Variants in WDR33 observed in about 807,000 individuals in gnomAD.
WDR33 encodes the protein pre-mRNA 3' end processing protein WDR33.
WDR33 carries 47 observed loss-of-function variants against 164.9 expected under a neutral mutation model. The observed-to-expected ratio is 0.29, with a 90% CI of 0.23 to 0.36. The LOEUF (loss-of-function observed/expected upper bound fraction) is 0.36. Ranked by LOEUF, WDR33 falls within the 10% of genes least tolerant of loss-of-function variation. The probability of loss-of-function intolerance (pLI) is 1.00; values close to 1 mark genes in which losing one functional copy is unlikely to be tolerated. For missense variants in WDR33, 1,137 were observed against 1,754.1 expected (o/e 0.65, Z 6.28); for synonymous variants, 505 against 589.0 (o/e 0.86, Z 2.06).
Position 127,705,332 on chromosome 2 carries a change from A to G in WDR33, c.*991T>C, listed in dbSNP as rs935994414. 6.2e-6 allele frequency: 1 copy of G among 161,336 alleles called. No homozygotes were observed. Among genetic ancestry groups the G allele is most frequent in the African/African-American group, 2.4e-5 (1 of 41,464 alleles). 10.0% of individuals were successfully genotyped at this position (161,336 alleles called of 1,614,324 possible). A position where few individuals can be genotyped will look rare whatever the true frequency, so the allele number is the denominator to read the frequency against. ...ATTTTAAACAAGGAATTTGCCATGG[A>G]CAAGATCTATCTGGCTTACTGTGAG... On this transcript the variant is annotated 3_prime_UTR_variant, in exon 22 of 22. Transcript: ENST00000322313. This position sits in a 1 kb window ranked among gnomAD's most constrained non-coding sequence, Gnocchi z 4.5.
At chr2:127,742,200 C>T (rs560884501) in intron 7 of WDR33, among the ~76,000 whole-genome samples, 5 of 149,462 alleles carry the variant, frequency 3.3e-5, no homozygotes, top group South Asian at 2.1e-4. Flanking sequence ...GCAACAAGAG[C>T]GAAACTCCAT....
chr2:127,720,272 G>A lies in WDR33; in HGVS notation c.1753C>T (p.Pro585Ser), dbSNP rs1417476211. The A allele has an allele frequency of 1.3e-6, 2 of 1,544,636 alleles. No individual in the cohort carries two copies. Among genetic ancestry groups the A allele is most frequent in the Non-Finnish European group, 1.7e-6 (2 of 1,145,328 alleles). ...GGACCTTGTCCTGGAAAAGGCTGGGGTCCGAGGAGAGGGGTGCCAGATGAG... is the reference window on the plus strand; with the variant it reads ...GGACCTTGTCCTGGAAAAGGCTGGGATCCGAGGAGAGGGGTGCCAGATGAG... ...PPSSGTPLLG[P>S]QPFPGQGPMS... The change falls in exon 16 of 22, where the codon CCC becomes TCC. Residue 585 changes from proline (P) to serine (S), a missense_variant. Pro to Ser is a moderately conservative substitution (Grantham distance 74). Around this residue, in one of 9 missense-constraint regions of WDR33, gnomAD observed 867 missense variants for 1,073.0 expected, o/e 0.81. Transcript: ENST00000322313. The surrounding 1 kb of genome is among the most constrained non-coding windows in gnomAD (Gnocchi z 5.9).
chr2:127,759,974 A>C (rs1467332642), intron 7 of WDR33, among the ~76,000 whole-genome samples: 1 of 152,208 alleles, frequency 6.6e-6, no homozygotes, highest in Non-Finnish European at 1.5e-5. Flanking sequence ...TCAGTCAAGA[A>C]GACCCAACAG....
chr2:127,798,475 A>G lies in WDR33; in HGVS notation c.-24+12537T>C, dbSNP rs147088792. 3.8e-3 allele frequency among the ~76,000 whole-genome samples: 579 copies of G among 152,116 alleles called. 4 individuals carry two copies. The highest frequency in any genetic ancestry group is 5.8e-3 in the Non-Finnish European group (393 of 68,008). ...ATCCTAAAGAGCTGGTTGGCCCTGA[A>G]TATTTCAAATCTGTCAATAGCAAGA... On this transcript the variant is annotated intron_variant, in intron 1 of 21. Coordinates refer to ENST00000322313, the MANE Select transcript of WDR33 (RefSeq NM_018383.5).
chr2:127,773,870 C>G (rs1192619657), intron 1 of WDR33, among the ~76,000 whole-genome samples: 1 of 151,146 alleles, frequency 6.6e-6, no homozygotes, highest in Admixed American at 6.6e-5. Flanking sequence ...CTTAAGCAAC[C>G]CTCCCACCTC....
chr2:127,742,485 C>T (rs1687045396), intron 7 of WDR33, among the ~76,000 whole-genome samples: 1 of 148,740 alleles, frequency 6.7e-6, no homozygotes, highest in South Asian at 2.2e-4. Context: ...CATGATTGCA[C>T]CGCTGCACTC....
chr2:127,795,102 C>CT lies in WDR33; in HGVS notation c.-24+15909dup, dbSNP rs552910693. Among the ~76,000 whole-genome samples, 230 of 131,132 alleles carry CT rather than the reference C, an allele frequency of 1.8e-3. 3 individuals carry two copies. Among genetic ancestry groups the CT allele is most frequent in the East Asian group, 2.6e-3 (12 of 4,586 alleles). 86.0% of individuals were successfully genotyped at this position (131,132 alleles called of 152,430 possible). A position where few individuals can be genotyped will look rare whatever the true frequency, so the allele number is the denominator to read the frequency against. Reference sequence around the variant, plus strand: ...AGTAAGTTATGAAGCAATAACTTCTCTTTTTTTTTTTTTTTTGAGAGGGAG... The same window carrying CT: ...AGTAAGTTATGAAGCAATAACTTCTCTTTTTTTTTTTTTTTTTGAGAGGGAG... On this transcript the variant is annotated intron_variant, in intron 1 of 21. Coordinates refer to ENST00000322313, the MANE Select transcript of WDR33 (RefSeq NM_018383.5).
Position 127,738,997 on chromosome 2 carries a change from T to C in WDR33, c.725-12220A>G, listed in dbSNP as rs148423346. 6.6e-5 allele frequency among the ~76,000 whole-genome samples: 10 copies of C among 152,216 alleles called. 1 individual carries two copies. Among genetic ancestry groups the C allele is most frequent in the Admixed American group, 5.9e-4 (9 of 15,280 alleles). On this transcript the variant is annotated intron_variant, in intron 7 of 21. Coordinates refer to ENST00000322313, the MANE Select transcript of WDR33 (RefSeq NM_018383.5). This position sits in a 1 kb window ranked among gnomAD's most constrained non-coding sequence, Gnocchi z 4.4. ...AAAAGACACACAAGAACCTTAAAAA[T>C]TTTTGCCCACAGACCTCAGAAAAAA... is the stretch of plus-strand genomic sequence containing the variant.
chr2:127,727,288 T>C (rs1410064297), intron 7 of WDR33, among the ~76,000 whole-genome samples: 1 of 152,224 alleles, frequency 6.6e-6, no homozygotes, highest in Non-Finnish European at 1.5e-5. Flanking sequence ...TCCTGTTTAC[T>C]GAAATGCAGG....
In WDR33 at chr2:127,708,514, T is replaced by C. The variant is rs10197769; in HGVS notation, c.3781+163A>G. On this transcript the variant is annotated intron_variant, in intron 21 of 21. Transcript: ENST00000322313. The surrounding 1 kb of genome is among the most constrained non-coding windows in gnomAD (Gnocchi z 6.7). ...AGGCAAGTGGAGTCCTGTGCAGGGC[T>C]GAGTTGCAGTCCACCAGATGACAGC... Among the ~76,000 whole-genome samples, 1,070 of 152,366 alleles carry C rather than the reference T, an allele frequency of 7.0e-3. 9 individuals carry two copies. The highest frequency in any genetic ancestry group is 0.025 in the African/African-American group (1,019 of 41,584).
At chr2:127,731,372 G>A (rs1274077512) in intron 7 of WDR33, among the ~76,000 whole-genome samples, 1 of 150,890 alleles carries the variant, frequency 6.6e-6, no homozygotes, top group African/African-American at 2.4e-5. Flanking sequence ...AAGAGAGAGA[G>A]TAATAGGCAC....
intron 7 of WDR33, among the ~76,000 whole-genome samples, chr2:127,750,743 T>TACATATATATAC: frequency 1.9e-5 from 1 of 53,668 alleles, no homozygotes; most frequent in East Asian, 4.3e-4. Flanking sequence ...TATGTATGCA[T>TACATATATATAC]ACATATATAT....
rs777197791 is a variant in WDR33, at chr2:127,709,602, ATG to A, written c.3473-22_3473-21del. Reference sequence around the variant, plus strand: ...TTCCTCCTACACAACAGAGCAAACAATGCTGCACTCAGACTGTTCCTGGTGTA... The same window carrying A: ...TTCCTCCTACACAACAGAGCAAACAACTGCACTCAGACTGTTCCTGGTGTA... On this transcript the variant is annotated intron_variant, in intron 19 of 21. Coordinates refer to ENST00000322313, the MANE Select transcript of WDR33 (RefSeq NM_018383.5). This position sits in a 1 kb window ranked among gnomAD's most constrained non-coding sequence, Gnocchi z 5.0. 2.5e-6 allele frequency: 4 copies of A among 1,612,316 alleles called. No homozygotes were observed. The Admixed American group carries it at 5.0e-5, about 20-fold the overall frequency.
rs1159948510 is a variant in WDR33 at position 127,738,142 on chromosome 2, A to T, written c.725-11365T>A. ...AGCCCTGGCAGATTGTGTAATTTCC[A>T]GATATGACTGAGATTTTTTTCTATT... On this transcript the variant is annotated intron_variant, in intron 7 of 21. Transcript: ENST00000322313. This position sits in a 1 kb window ranked among gnomAD's most constrained non-coding sequence, Gnocchi z 4.4. 1 of 1,266,104 alleles carries T rather than the reference A, an allele frequency of 7.9e-7. No individual in the cohort carries two copies. Among genetic ancestry groups the T allele is most frequent in the African/African-American group, 1.6e-5 (1 of 63,728 alleles). The allele number at this position is 1,266,104 out of a possible 1,614,324, so 78.4% of individuals were successfully genotyped here.
chr2:127,772,619 A>G (rs1688047065), intron 1 of WDR33, among the ~76,000 whole-genome samples: 1 of 152,200 alleles, frequency 6.6e-6, no homozygotes, highest in Admixed American at 6.5e-5. Context: ...ATGAACAAAA[A>G]AAGTACGTAT....
At position 127,792,186 on chromosome 2, in the gene WDR33, G is replaced by A. The variant is rs189717630; in HGVS notation, c.-24+18826C>T. 8.2e-3 allele frequency among the ~76,000 whole-genome samples: 1,249 copies of A among 151,492 alleles called. 24 individuals carry two copies. The highest frequency in any genetic ancestry group is 0.028 in the African/African-American group (1,161 of 41,346). On this transcript the variant is annotated intron_variant, in intron 1 of 21. Coordinates refer to ENST00000322313, the MANE Select transcript of WDR33 (RefSeq NM_018383.5). ...ACTCCGGACCTCAGGTGATCCACCC[G>A]CCTCAGCCTCCCAAAGTGCTGGGAT...
In WDR33 at chr2:127,724,287, T is replaced by G; in HGVS notation, c.1196+46A>C. 7.0e-7 allele frequency: 1 copy of G among 1,424,186 alleles called. No homozygotes were observed. Among genetic ancestry groups the G allele is most frequent in the Non-Finnish European group, 9.9e-7 (1 of 1,014,382 alleles). The allele number at this position is 1,424,186 out of a possible 1,614,324, so 88.2% of individuals were successfully genotyped here. On this transcript the variant is annotated intron_variant, in intron 11 of 21. Coordinates refer to ENST00000322313, the MANE Select transcript of WDR33 (RefSeq NM_018383.5). The surrounding 1 kb of genome is among the most constrained non-coding windows in gnomAD (Gnocchi z 4.8). ...AAAATAAACACATACAGTATTTATTTCCTGTTGCTCCATATAAAGCTTTGC... is the reference window on the plus strand; with the variant it reads ...AAAATAAACACATACAGTATTTATTGCCTGTTGCTCCATATAAAGCTTTGC...
chr2:127,774,556 G>A (rs143803561), intron 1 of WDR33, among the ~76,000 whole-genome samples: 2,030 of 151,776 alleles, frequency 0.013, 42 homozygotes, highest in African/African-American at 0.044. Flanking sequence ...GCTGCCAGGC[G>A]CGGCGGCTCA....
chr2:127,767,122 C>T, intron 4 of WDR33, among the ~76,000 whole-genome samples: 1 of 152,284 alleles, frequency 6.6e-6, no homozygotes, highest in East Asian at 1.9e-4. Flanking sequence ...GGAGTTCAGA[C>T]TGACATCTCT....
Sources: allele counts gnomAD v4.1 joint callset (sites outside exome capture counted in the v4.1 genomes callset), GRCh38; gene constraint gnomAD v4.1.1; regional missense constraint gnomAD v4.1.1; non-coding constraint Gnocchi (gnomAD v3.1); transcripts MANE v1.5; gene names NCBI Gene and HGNC (gene_info 2026-07-23, HGNC 2026-07-21).